The following B3GLCT variants were observed in gnomAD, a reference collection of about 807,000 sequenced individuals.
B3GLCT encodes the protein beta 3-glucosyltransferase.
In B3GLCT, 65 loss-of-function variants were observed where a neutral mutation model predicts 63.4. That is an observed-to-expected ratio of 1.03 (90% CI 0.84 to 1.26). B3GLCT has a LOEUF of 1.26. B3GLCT is among the 50% of genes most tolerant of loss of function. The pLI is 0.00. For missense variants in B3GLCT, 577 were observed against 604.8 expected, an observed-to-expected ratio of 0.95 and a Z score of 0.48; for synonymous variants, 233 against 219.2, an observed-to-expected ratio of 1.06 and a Z score of -0.55.
chr13:31,263,660 C>T (rs1484060758), intron 7 of B3GLCT, among the ~76,000 whole-genome samples: 1 of 152,108 alleles, frequency 6.6e-6, no homozygotes, highest in East Asian at 1.9e-4. Context: ...TATTAAGGGG[C>T]GACTGTATGT....
chr13:31,253,256 G>A (rs1871527049), intron 6 of B3GLCT, among the ~76,000 whole-genome samples: 1 of 152,126 alleles, frequency 6.6e-6, no homozygotes, highest in South Asian at 2.1e-4. Flanking sequence ...CACAAGAGAA[G>A]GCAGGAAAGA....
chr13:31,207,493 T>C (rs1225729198), intron 1 of B3GLCT, among the ~76,000 whole-genome samples: 2 of 152,214 alleles, frequency 1.3e-5, no homozygotes, highest in Non-Finnish European at 2.9e-5. Flanking sequence ...TTAAACAAGA[T>C]GCAAATCAAA....
chr13:31,273,822 G>T (rs1234491702), intron 8 of B3GLCT, among the ~76,000 whole-genome samples: 2 of 152,160 alleles, frequency 1.3e-5, no homozygotes, highest in Non-Finnish European at 2.9e-5. Flanking sequence ...CTGGCTTTTG[G>T]TTGCAAAATC....
chr13:31,273,368 A>G (rs909929287), intron 8 of B3GLCT, among the ~76,000 whole-genome samples: 1 of 152,228 alleles, frequency 6.6e-6, no homozygotes, highest in South Asian at 2.1e-4. Flanking sequence ...TGCTGGGATT[A>G]TAGGCGTGAG....
At chr13:31,237,173 C>T (rs1162841355) in intron 4 of B3GLCT, among the ~76,000 whole-genome samples, 1 of 150,356 alleles carries the variant, frequency 6.7e-6, no homozygotes, top group South Asian at 2.1e-4. Flanking sequence ...TGACAGCTAA[C>T]GTAGGGTCTG....
At chr13:31,257,031 G>A (rs970015977) in intron 6 of B3GLCT, among the ~76,000 whole-genome samples, 5 of 152,130 alleles carry the variant, frequency 3.3e-5, no homozygotes, top group Admixed American at 6.5e-5. Context: ...AAGAAAGATT[G>A]GGGAGTGGCT....
intron 10 of B3GLCT, 46 bp downstream of exon 10, chr13:31,276,817 A>G (rs775867735): frequency 7.4e-7 from 1 of 1,352,382 alleles, no homozygotes; most frequent in Non-Finnish European, 1.1e-6. Context: ...AATCCAGACT[A>G]CCTTCTAAAG....
intron 10 of B3GLCT, among the ~76,000 whole-genome samples, chr13:31,281,593 G>A (rs937522763): frequency 1.3e-5 from 2 of 152,122 alleles, no homozygotes; most frequent in Non-Finnish European, 2.9e-5. Context: ...TGTTGTGTTA[G>A]GGCATCCAGG....
At chr13:31,224,188 T>A (rs1324977835) in intron 3 of B3GLCT, among the ~76,000 whole-genome samples, 1 of 152,044 alleles carries the variant, frequency 6.6e-6, no homozygotes, top group Non-Finnish European at 1.5e-5. Context: ...AGGAACCACG[T>A]CAATTTGTTG....
chr13:31,323,941 G>C, intron 14 of B3GLCT, 46 bp downstream of exon 14: 1 of 1,602,198 alleles, frequency 6.2e-7, no homozygotes, highest in Non-Finnish European at 8.6e-7. Flanking sequence ...GTGAGGGACA[G>C]ATTCTTCTCA....
chr13:31,285,584 TC>T (rs1181939494), intron 11 of B3GLCT, among the ~76,000 whole-genome samples: 4 of 147,880 alleles, frequency 2.7e-5, no homozygotes, highest in African/African-American at 7.5e-5. Flanking sequence ...GTTTTTTTGT[TC>T]CCCATGCCCT....
intron 12 of B3GLCT, among the ~76,000 whole-genome samples, chr13:31,291,399 T>A (rs1489376395): frequency 6.6e-6 from 1 of 152,246 alleles, no homozygotes; most frequent in Non-Finnish European, 1.5e-5. Flanking sequence ...TTGCATTGAA[T>A]CTGTAAATTA....
At position 31,318,859 on chromosome 13, in the gene B3GLCT, TATA is replaced by T. The variant is rs572987961; in HGVS notation, c.1184+1178_1184+1180del. On this transcript the variant is annotated intron_variant, in intron 13 of 14. Transcript: ENST00000343307. ...ATACTTTATAGCATGATGGCGTTCA[TATA>T]ATATTTTTAACACAGAAGTGACTTG... Among the ~76,000 whole-genome samples the T allele has an allele frequency of 1.2e-4, 18 of 152,320 alleles. No individual in the cohort carries two copies. The South Asian group carries it at 3.5e-3, about 30-fold the overall frequency.
chr13:31,200,063 G>C lies in B3GLCT; in HGVS notation c.-22G>C. 2.2e-6 allele frequency: 3 copies of C among 1,347,288 alleles called. No homozygotes were observed. Among genetic ancestry groups the C allele is most frequent in the Non-Finnish European group, 2.9e-6 (3 of 1,037,426 alleles). The allele number at this position is 1,347,288 out of a possible 1,614,324, so 83.5% of individuals were successfully genotyped here. Reference sequence around the variant, plus strand: ...TCTCCCTTCCCCGCGCCCAGGTAGGGCGCTCAGCCTCCGCCGCCAGGATGC... The same window carrying C: ...TCTCCCTTCCCCGCGCCCAGGTAGGCCGCTCAGCCTCCGCCGCCAGGATGC... On this transcript the variant is annotated 5_prime_UTR_variant, in exon 1 of 15. Transcript: ENST00000343307.
At chr13:31,320,439 C>T (rs17075853) in intron 13 of B3GLCT, among the ~76,000 whole-genome samples, 4,058 of 152,276 alleles carry the variant, frequency 0.027, 190 homozygotes, top group African/African-American at 0.093. Flanking sequence ...CCGCTGAAAG[C>T]TGCCATGGCT....
chr13:31,309,723 G>A (rs1022540067), intron 12 of B3GLCT, among the ~76,000 whole-genome samples: 2 of 152,190 alleles, frequency 1.3e-5, no homozygotes, highest in Admixed American at 1.3e-4. Context: ...CACATGTTTA[G>A]CTATCCAGGA....
In B3GLCT at chr13:31,332,029, A is replaced by T. The variant is rs1875952896; in HGVS notation, c.*2361A>T. On this transcript the variant is annotated 3_prime_UTR_variant, in exon 15 of 15. Transcript: ENST00000343307. The stretch of plus-strand genomic sequence containing the variant: ...AAACTAAATCAGAAATCCAGACATG[A>T]AAATAACCTTTCTAGAATGCCTAGG... 6.6e-6 allele frequency: 1 copy of T among 152,238 alleles called. No homozygotes were observed. The highest frequency in any genetic ancestry group is 1.5e-5 in the Non-Finnish European group (1 of 68,034). The allele number at this position is 152,238 out of a possible 1,614,324, so 9.4% of individuals were successfully genotyped here.
chr13:31,214,235 A>C lies in B3GLCT; in HGVS notation c.71-816A>C, dbSNP rs138187513. 1.1e-3 allele frequency among the ~76,000 whole-genome samples: 172 copies of C among 152,348 alleles called. 1 individual carries two copies. The highest frequency in any genetic ancestry group is 9.5e-3 in the South Asian group (46 of 4,830). ...ACTCCTGGGAGTGCTAATTGGAGAA[A>C]GTGAACTCTGCAATGCTTTCCTCTT... On this transcript the variant is annotated intron_variant, in intron 1 of 14. Transcript: ENST00000343307.
chr13:31,201,744 ATTTT>A (rs1187142828), intron 1 of B3GLCT, among the ~76,000 whole-genome samples: 2 of 152,146 alleles, frequency 1.3e-5, no homozygotes, highest in African/African-American at 2.4e-5. Context: ...TGCTGTGTCT[ATTTT>A]TTATTACCCC....
Sources: allele counts gnomAD v4.1 joint callset (sites outside exome capture counted in the v4.1 genomes callset), GRCh38; gene constraint gnomAD v4.1.1; transcripts MANE v1.5; gene names NCBI Gene and HGNC (gene_info 2026-07-23, HGNC 2026-07-21).